Variants in BRINP3 observed in about 807,000 individuals in gnomAD.
The protein encoded by BRINP3 is BMP/retinoic acid-inducible neural-specific protein 3.
BRINP3 carries 19 observed loss-of-function variants against 71.0 expected under a neutral mutation model. That is an observed-to-expected ratio of 0.27 (90% CI 0.19 to 0.39). BRINP3 has a LOEUF of 0.39. BRINP3 is among the 10% of genes least tolerant of loss of function. The pLI, the probability that BRINP3 is intolerant of heterozygous loss-of-function variation, is 1.00. For missense variants in BRINP3, 959 were observed against 940.8 expected (o/e 1.02, Z -0.25); for synonymous variants, 380 against 337.7 (o/e 1.13, Z -1.37).
At chr1:190,250,313 C>G (rs1022612460) in intron 4 of BRINP3, among the ~76,000 whole-genome samples, 2 of 151,814 alleles carry the variant, frequency 1.3e-5, no homozygotes, top group East Asian at 1.9e-4. Flanking sequence ...TTATTTAATT[C>G]CCTGAGCAAA....
chr1:190,331,073 A>AT (rs1485767559), intron 2 of BRINP3, among the ~76,000 whole-genome samples: 1 of 151,948 alleles, frequency 6.6e-6, no homozygotes, highest in African/African-American at 2.4e-5. Flanking sequence ...AAACATGCAT[A>AT]TGTACTCCCT....
intron 2 of BRINP3, among the ~76,000 whole-genome samples, chr1:190,302,277 T>G: frequency 6.8e-6 from 1 of 147,376 alleles, no homozygotes; most frequent in East Asian, 2.0e-4. Context: ...TATATATAAA[T>G]GTATATATAT....
intron 2 of BRINP3, among the ~76,000 whole-genome samples, chr1:190,390,818 G>A (rs1476885087): frequency 6.6e-6 from 1 of 151,846 alleles, no homozygotes; most frequent in Non-Finnish European, 1.5e-5. Flanking sequence ...ATTATGCTAA[G>A]TGACCTGGAG....
intron 7 of BRINP3, among the ~76,000 whole-genome samples, chr1:190,129,780 T>C (rs139093741): frequency 6.6e-6 from 1 of 152,112 alleles, no homozygotes; most frequent in East Asian, 1.9e-4. Flanking sequence ...TAACACAGAA[T>C]GCTATTTGCA....
chr1:190,477,417 T>A (rs1677569159), intron 1 of BRINP3, 31 bp downstream of exon 1: 1 of 152,158 alleles, frequency 6.6e-6, no homozygotes, highest in Admixed American at 6.5e-5. Flanking sequence ...AATAGTTAAG[T>A]TTCTAGTAAC....
At chr1:190,405,450 C>CAAAAAAAAAAAAAA (rs1334402738) in intron 2 of BRINP3, among the ~76,000 whole-genome samples, 3 of 39,146 alleles carry the variant, frequency 7.7e-5, no homozygotes, top group Non-Finnish European at 1.2e-4. Context: ...GACTCCGTCT[C>CAAAAAAAAAAAAAA]AAAAAAAAAA....
At chr1:190,138,788 CCA>C (rs1252583801) in intron 7 of BRINP3, among the ~76,000 whole-genome samples, 1 of 152,068 alleles carries the variant, frequency 6.6e-6, no homozygotes, top group Admixed American at 6.6e-5. Context: ...TGTGTCCAGA[CCA>C]AGAAAGGACA....
chr1:190,353,840 TG>T lies in BRINP3; in HGVS notation c.237-72091del, dbSNP rs1296701193. On this transcript the variant is annotated intron_variant, in intron 2 of 7. Transcript: ENST00000367462. ...TCCACATACACTACCTTTAGTTTAA[TG>T]GGGTCAAGTCTCTCCCTTTAACATC... is the stretch of plus-strand genomic sequence containing the variant. Among the ~76,000 whole-genome samples the T allele has an allele frequency of 7.9e-5, 12 of 152,148 alleles. No homozygotes were observed. The East Asian group carries it at 2.3e-3, about 29-fold the overall frequency.
At chr1:190,129,314 CAG>C (rs1654342506) in intron 7 of BRINP3, among the ~76,000 whole-genome samples, 1 of 151,794 alleles carries the variant, frequency 6.6e-6, no homozygotes, top group East Asian at 1.9e-4. Context: ...TTTAAAGAAA[CAG>C]AGTTATCTTT....
chr1:190,170,933 C>T (rs1055695943), intron 6 of BRINP3, among the ~76,000 whole-genome samples: 4 of 152,118 alleles, frequency 2.6e-5, no homozygotes, highest in Admixed American at 2.0e-4. Context: ...ATGTCTGCTG[C>T]ACTGAAACAA....
intron 2 of BRINP3, among the ~76,000 whole-genome samples, chr1:190,285,303 C>T (rs966480272): frequency 6.6e-6 from 1 of 152,122 alleles, no homozygotes; most frequent in African/African-American, 2.4e-5. Flanking sequence ...TTTTAAGTCA[C>T]CGTGGCCATG....
At chr1:190,338,253 C>T (rs1322069004) in intron 2 of BRINP3, among the ~76,000 whole-genome samples, 1 of 152,024 alleles carries the variant, frequency 6.6e-6, no homozygotes, top group Non-Finnish European at 1.5e-5. Context: ...ATAGAGCAGA[C>T]TATCTAAGCC....
intron 1 of BRINP3, chr1:190,474,616 C>G (rs1677374723): frequency 6.6e-6 from 1 of 152,480 alleles, no homozygotes; most frequent in African/African-American, 2.4e-5. Context: ...TTCAAACAGC[C>G]AGTGGGCATT....
chr1:190,134,364 G>A (rs1295674266), intron 7 of BRINP3, among the ~76,000 whole-genome samples: 1 of 152,002 alleles, frequency 6.6e-6, no homozygotes, highest in African/African-American at 2.4e-5. Flanking sequence ...CATTGAGAGT[G>A]ACAAAGCAGG....
chr1:190,174,291 G>A (rs937097682), intron 6 of BRINP3, among the ~76,000 whole-genome samples: 29 of 151,868 alleles, frequency 1.9e-4, no homozygotes, highest in African/African-American at 3.6e-4. Flanking sequence ...ACTCTGCCTC[G>A]TCATTAATGT....
intron 1 of BRINP3, among the ~76,000 whole-genome samples, chr1:190,458,910 A>G (rs1373034393): frequency 6.6e-6 from 1 of 151,938 alleles, no homozygotes; most frequent in Admixed American, 6.6e-5. Context: ...TTTCTGGACC[A>G]TGGGAGAGTG....
intron 6 of BRINP3, among the ~76,000 whole-genome samples, chr1:190,211,074 G>A (rs1466529473): frequency 1.3e-5 from 2 of 152,026 alleles, no homozygotes; most frequent in African/African-American, 4.8e-5. Context: ...TACTTTTGAG[G>A]TTTTTGGACT....
At chr1:190,290,338 G>T (rs570536709) in intron 2 of BRINP3, among the ~76,000 whole-genome samples, 1 of 152,136 alleles carries the variant, frequency 6.6e-6, no homozygotes, top group East Asian at 1.9e-4. Context: ...GCATCTTACG[G>T]TTAATACACT....
At chr1:190,319,786 C>A (rs1352669014) in intron 2 of BRINP3, among the ~76,000 whole-genome samples, 2 of 152,074 alleles carry the variant, frequency 1.3e-5, no homozygotes, top group Non-Finnish European at 2.9e-5. Context: ...TCCCAGCAGA[C>A]CCCACCTCCA....
Sources: allele counts gnomAD v4.1 joint callset (sites outside exome capture counted in the v4.1 genomes callset), GRCh38; gene constraint gnomAD v4.1.1; transcripts MANE v1.5; gene names NCBI Gene and HGNC (gene_info 2026-07-23, HGNC 2026-07-21).